The following LPAR6 variants were observed in gnomAD, a reference collection of about 807,000 sequenced individuals.
LPAR6 encodes lysophosphatidic acid receptor 6, also known as G-protein coupled purinergic receptor P2Y5.
In LPAR6, 17 loss-of-function variants were observed where a neutral mutation model predicts 22.0. The ratio of observed to expected loss-of-function variants is 0.77; its 90% CI spans 0.53 to 1.16. LPAR6 has a LOEUF of 1.16. Among genes scored for constraint, LPAR6 ranks in the 50% most tolerant of loss-of-function variants. The pLI is 0.00. For synonymous variants in LPAR6, 136 were observed against 139.8 expected, an observed-to-expected ratio of 0.97 and a Z score of 0.19; for missense variants, 384 against 406.9, an observed-to-expected ratio of 0.94 and a Z score of 0.48.
chr13:48,397,494 G>C (rs1228220383), intron 1 of LPAR6, among the ~76,000 whole-genome samples: 2 of 152,072 alleles, frequency 1.3e-5, no homozygotes, highest in African/African-American at 4.8e-5. Flanking sequence ...GGCCTGTCAG[G>C]GGGTGCGGGT....
At chr13:48,401,153 G>A (rs1165477643) in intron 1 of LPAR6, 1 of 152,160 alleles carries the variant, frequency 6.6e-6, no homozygotes, top group African/African-American at 2.4e-5. Context: ...AAGTAGCAAT[G>A]GTAGAAGAAT....
rs1472796934 is a variant in LPAR6, at chr13:48,411,955, T to C, written c.469A>G (p.Thr157Ala). Reference sequence around the variant, plus strand: ...GAGGCATTGTTACCCTGAGAGTGGGTAGACTGAACAAAAACGGCGGGTGCA... The same window carrying C: ...GAGGCATTGTTACCCTGAGAGTGGGCAGACTGAACAAAAACGGCGGGTGCA... ...GSAPAVFVQS[T>A]HSQGNNASEA... Residue 157 changes from threonine to alanine, a missense_variant, in exon 1 of 1, where the codon ACC becomes GCC. Physicochemically the swap from Thr to Ala is moderately conservative, Grantham distance 58. Coordinates refer to ENST00000620633, the MANE Select transcript of LPAR6 (RefSeq NM_001162498.3). 1 of 1,612,546 alleles carries C rather than the reference T, an allele frequency of 6.2e-7. No individual in the cohort carries two copies. The highest frequency in any genetic ancestry group is 1.7e-5 in the Admixed American group (1 of 59,772).
chr13:48,415,954 A>T (rs1013529870), upstream of LPAR6: 15 of 152,256 alleles, frequency 9.9e-5, no homozygotes, highest in Admixed American at 5.9e-4. Context: ...AACTACTTGC[A>T]AAGGGAGGTA....
intron 1 of LPAR6, among the ~76,000 whole-genome samples, chr13:48,402,535 A>G (rs1948702254): frequency 6.6e-6 from 1 of 151,516 alleles, no homozygotes; most frequent in South Asian, 2.1e-4. Flanking sequence ...GAGCCAACAC[A>G]CCCAGCTAAT....
At chr13:48,417,242 C>A (rs186276465), upstream of LPAR6, 1 of 153,388 alleles carries the variant, frequency 6.5e-6, no homozygotes, top group Non-Finnish European at 1.5e-5. Context: ...AGGCAGCAAT[C>A]TTTGTTGTTC....
chr13:48,406,915 AG>A (rs1241579277), downstream of LPAR6, among the ~76,000 whole-genome samples: 7 of 152,208 alleles, frequency 4.6e-5, no homozygotes, highest in East Asian at 3.9e-4. Context: ...ACAAACAAAC[AG>A]GGTTCTTACC....
chr13:48,409,150 C>CTTT (rs1282281494), downstream of LPAR6, among the ~76,000 whole-genome samples: 2 of 131,020 alleles, frequency 1.5e-5, no homozygotes, highest in African/African-American at 2.8e-5. Flanking sequence ...TTTCTTTTCT[C>CTTT]TTTTTTTTTT....
chr13:48,395,495 G>T (rs113969006), intron 1 of LPAR6, among the ~76,000 whole-genome samples: 2,080 of 152,030 alleles, frequency 0.014, 44 homozygotes, highest in African/African-American at 0.043. Flanking sequence ...AAGGTTAGAG[G>T]AATTGCTAAC....
chr13:48,426,767 T>C (rs1032898723), intron 1 of LPAR6: 1 of 149,240 alleles, frequency 6.7e-6, no homozygotes, highest in African/African-American at 2.6e-5. Flanking sequence ...TTTTTCTTAC[T>C]GATGTTGTGC....
intron 1 of LPAR6, among the ~76,000 whole-genome samples, chr13:48,438,594 G>T (rs1949206648): frequency 6.6e-6 from 1 of 151,364 alleles, no homozygotes; most frequent in Admixed American, 6.6e-5. Flanking sequence ...TAGCATAAAA[G>T]TTCAAAACAA....
chr13:48,402,379 CTTTT>C (rs545934425), intron 1 of LPAR6, among the ~76,000 whole-genome samples: 1 of 125,718 alleles, frequency 8.0e-6, no homozygotes, highest in African/African-American at 2.8e-5. Flanking sequence ...TGTAGAAAAC[CTTTT>C]TTTTTTTTTA....
At chr13:48,442,237 G>A (rs1256972682) in intron 1 of LPAR6, among the ~76,000 whole-genome samples, 1 of 149,364 alleles carries the variant, frequency 6.7e-6, no homozygotes. Flanking sequence ...GTCTTGCTCT[G>A]TTGCCCAGGC....
At chr13:48,395,517 G>A (rs1422610356) in intron 1 of LPAR6, among the ~76,000 whole-genome samples, 1 of 152,020 alleles carries the variant, frequency 6.6e-6, no homozygotes, top group Non-Finnish European at 1.5e-5. Context: ...AGAATAACCA[G>A]TTTAGAGAAG....
rs1400706441 is a variant in LPAR6 at position 48,412,392 on chromosome 13, T to C, written c.32A>G (p.Tyr11Cys). Reference protein sequence around the residue: MVSVNSSHCFYNDSFKYTLYG... With the variant: MVSVNSSHCFCNDSFKYTLYG... ...CAAAGTGTACTTAAAGGAGTCATTATAGAAGCAGTGGGAGCTGTTAACGCT... is the reference window on the plus strand; with the variant it reads ...CAAAGTGTACTTAAAGGAGTCATTACAGAAGCAGTGGGAGCTGTTAACGCT... Residue 11 changes from tyrosine (Y) to cysteine (C), a missense_variant, in exon 1 of 1, where the codon TAT becomes TGT. Physicochemically the swap from Tyr to Cys is radical, Grantham distance 194. Transcript: ENST00000620633. The C allele has an allele frequency of 2.5e-6, 4 of 1,613,950 alleles. No individual in the cohort carries two copies. The highest frequency in any genetic ancestry group is 2.7e-5 in the African/African-American group (2 of 74,930).
downstream of LPAR6, among the ~76,000 whole-genome samples, chr13:48,409,945 C>G (rs1246781010): frequency 1.3e-5 from 2 of 151,878 alleles, no homozygotes; most frequent in Non-Finnish European, 2.9e-5. Flanking sequence ...TACTTTTTTT[C>G]TAAAGTATAC....
intron 1 of LPAR6, chr13:48,391,286 G>T (rs1390083013): frequency 6.6e-6 from 1 of 152,008 alleles, no homozygotes; most frequent in Non-Finnish European, 1.5e-5. Flanking sequence ...ATTTTGCTTC[G>T]ACAGAAGTTA....
intron 1 of LPAR6, among the ~76,000 whole-genome samples, chr13:48,398,224 T>C (rs1361992109): frequency 2.0e-5 from 3 of 150,676 alleles, no homozygotes; most frequent in Non-Finnish European, 4.4e-5. Flanking sequence ...AAACATTTTA[T>C]TTTAATTTTA....
intron 1 of LPAR6, among the ~76,000 whole-genome samples, chr13:48,424,666 T>C (rs1949054277): frequency 6.6e-6 from 1 of 152,220 alleles, no homozygotes; most frequent in Non-Finnish European, 1.5e-5. Context: ...TCACGTCTTT[T>C]CTATGGAGTC....
At chr13:48,431,360 G>C (rs1455519027), upstream of LPAR6, among the ~76,000 whole-genome samples, 1 of 152,020 alleles carries the variant, frequency 6.6e-6, no homozygotes, top group Admixed American at 6.6e-5. Context: ...CTAGTGCTAT[G>C]AACATTAAAG....
Sources: gnomAD v4.1 joint callset for allele counts (sites outside exome capture counted in the v4.1 genomes callset) on GRCh38, gnomAD v4.1.1 for gene constraint, MANE v1.5 for transcripts, NCBI Gene and HGNC (gene_info 2026-07-23, HGNC 2026-07-21) for gene names.